The following RALGAPB variants were observed in gnomAD, a reference collection of about 807,000 sequenced individuals.
The protein encoded by RALGAPB is ral GTPase-activating protein subunit beta.
A neutral mutation model predicts 161.1 loss-of-function variants in RALGAPB; 25 were observed. The ratio of observed to expected loss-of-function variants is 0.16; its 90% CI spans 0.11 to 0.22. The LOEUF is 0.22. Among genes scored for constraint, RALGAPB ranks in the 10% least tolerant of loss-of-function variants. The probability of loss-of-function intolerance (pLI) is 1.00; values close to 1 mark genes in which losing one functional copy is unlikely to be tolerated. For synonymous variants in RALGAPB, 629 were observed against 626.1 expected, an observed-to-expected ratio of 1.00 and a Z score of -0.07; for missense variants, 1,391 against 1,815.2, an observed-to-expected ratio of 0.77 and a Z score of 4.25.
chr20:38,507,067 A>T (rs963509005), intron 5 of RALGAPB, among the ~76,000 whole-genome samples: 1 of 152,192 alleles, frequency 6.6e-6, no homozygotes, highest in Non-Finnish European at 1.5e-5. Context: ...CTTGATTATA[A>T]TCACAGTACA....
chr20:38,521,254 G>T (rs1248806385), intron 9 of RALGAPB, among the ~76,000 whole-genome samples: 1 of 152,172 alleles, frequency 6.6e-6, no homozygotes, highest in African/African-American at 2.4e-5. Context: ...AAATTCAGTT[G>T]AAAAATGCTT....
intron 12 of RALGAPB, among the ~76,000 whole-genome samples, 188 bp downstream of exon 12, chr20:38,525,706 A>G (rs964909096): frequency 2.0e-5 from 3 of 150,872 alleles, no homozygotes; most frequent in African/African-American, 4.9e-5. Context: ...CAGTTTTTCT[A>G]CCAGTTTTCA....
At chr20:38,563,328 A>T (rs2087858062) in intron 24 of RALGAPB, among the ~76,000 whole-genome samples, 1 of 152,210 alleles carries the variant, frequency 6.6e-6, no homozygotes, top group Non-Finnish European at 1.5e-5. Flanking sequence ...CTTCCTAACA[A>T]GCATGTTTTG....
intron 6 of RALGAPB, among the ~76,000 whole-genome samples, chr20:38,515,205 A>G (rs1390373595): frequency 6.6e-6 from 1 of 152,220 alleles, no homozygotes; most frequent in Non-Finnish European, 1.5e-5. Flanking sequence ...CTATGGAAAC[A>G]GTGTGCTACC....
intron 13 of RALGAPB, among the ~76,000 whole-genome samples, chr20:38,529,407 A>C (rs906955818): frequency 7.9e-5 from 12 of 152,060 alleles, no homozygotes; most frequent in African/African-American, 2.9e-4. Flanking sequence ...AGTCTCAGCT[A>C]CTTGGGAGGC....
chr20:38,481,484 A>C (rs150671419), intron 1 of RALGAPB, among the ~76,000 whole-genome samples: 2 of 152,364 alleles, frequency 1.3e-5, no homozygotes, highest in Admixed American at 6.5e-5. Context: ...GAACTTGTGC[A>C]GGCAAACTCC....
chr20:38,550,244 T>C (rs1208960309), intron 20 of RALGAPB, among the ~76,000 whole-genome samples: 1 of 152,152 alleles, frequency 6.6e-6, no homozygotes, highest in East Asian at 1.9e-4. Flanking sequence ...TGTATACATA[T>C]TTAACTAACC....
chr20:38,500,336 C>T (rs927426075), intron 5 of RALGAPB, among the ~76,000 whole-genome samples: 1 of 151,752 alleles, frequency 6.6e-6, no homozygotes, highest in African/African-American at 2.4e-5. Flanking sequence ...TCACTTTGTG[C>T]CTCTGTCATA....
chr20:38,540,013 A>C, intron 17 of RALGAPB, 55 bp downstream of exon 17: 1 of 1,495,608 alleles, frequency 6.7e-7, no homozygotes, highest in South Asian at 1.2e-5. Flanking sequence ...ATGCTAGCAA[A>C]ATGCCTTTTG....
rs1319663116 is a variant in RALGAPB at position 38,517,855 on chromosome 20, G to A, written c.1272G>A (p.Gln424=). 1 of 1,613,978 alleles carries A rather than the reference G, an allele frequency of 6.2e-7. No homozygotes were observed. Among genetic ancestry groups the A allele is most frequent in the Non-Finnish European group, 8.5e-7 (1 of 1,179,892 alleles). Reference sequence around the variant, plus strand: ...CCTCTCCTCTGTCAAGTCCAAATCAGACTAGTTCAGAACCCCGGCCACTGC... The same window carrying A: ...CCTCTCCTCTGTCAAGTCCAAATCAAACTAGTTCAGAACCCCGGCCACTGC... ...SSTSPLSSPN[Q]TSSEPRPLPA... Residue 424 remains glutamine, a synonymous_variant, in exon 9 of 30, where the codon CAG becomes CAA. Transcript: ENST00000262879.
chr20:38,528,492 T>C (rs1160954190), intron 13 of RALGAPB, among the ~76,000 whole-genome samples: 2 of 151,940 alleles, frequency 1.3e-5, no homozygotes, highest in Non-Finnish European at 2.9e-5. Context: ...TGCCGCAACC[T>C]CTGAAGTAGC....
At chr20:38,539,065 G>A (rs1433804949) in intron 16 of RALGAPB, among the ~76,000 whole-genome samples, 1 of 152,156 alleles carries the variant, frequency 6.6e-6, no homozygotes, top group African/African-American at 2.4e-5. Flanking sequence ...AGAAATGAAT[G>A]AACAATTGAT....
chr20:38,477,550 T>C (rs1267296487), intron 1 of RALGAPB, among the ~76,000 whole-genome samples: 1 of 152,208 alleles, frequency 6.6e-6, no homozygotes, highest in Non-Finnish European at 1.5e-5. Flanking sequence ...GTTTGCCTTA[T>C]GGGGTCAATG....
intron 5 of RALGAPB, among the ~76,000 whole-genome samples, chr20:38,505,181 G>A (rs1288824068): frequency 6.6e-6 from 1 of 152,212 alleles, no homozygotes; most frequent in Non-Finnish European, 1.5e-5. Flanking sequence ...CAGCCTAGAT[G>A]CCCGTCGGTG....
At chr20:38,549,980 T>G (rs947264091) in intron 20 of RALGAPB, among the ~76,000 whole-genome samples, 2 of 152,222 alleles carry the variant, frequency 1.3e-5, no homozygotes, top group African/African-American at 4.8e-5. Context: ...AATGATGAGT[T>G]CATGTCCTTT....
chr20:38,562,709 A>G lies in RALGAPB; in HGVS notation c.3697+12A>G, dbSNP rs757614684. ...AGGATCTCAACAAGGTAAAACTCAC[A>G]GTGTTTCAAATGTCAGTTGTTTCTT... On this transcript the variant is annotated intron_variant, in intron 24 of 29. Transcript: ENST00000262879. 7 of 1,577,682 alleles carry G rather than the reference A, an allele frequency of 4.4e-6. No homozygotes were observed. The highest frequency in any genetic ancestry group is 6.0e-6 in the Non-Finnish European group (7 of 1,165,886).
rs2086121595 is a variant in RALGAPB at position 38,516,335 on chromosome 20, T to C, written c.1016T>C (p.Met339Thr). Residue 339 changes from methionine to threonine, a missense_variant, in exon 7 of 30, where the codon ATG becomes ACG. Physicochemically the swap from Met to Thr is moderately conservative, Grantham distance 81 (BLOSUM62 -1). Coordinates refer to ENST00000262879, the MANE Select transcript of RALGAPB (RefSeq NM_020336.4). ...CTGCCTCAAATATTTTTTCGTGCCA[T>C]GCGTGGAATCAGCTGTCTGGTGGAT... is the stretch of plus-strand genomic sequence containing the variant. ...KHLPQIFFRAMRGISCLVDAF... is the reference protein window; with the variant it reads ...KHLPQIFFRATRGISCLVDAF... The C allele has an allele frequency of 1.2e-6, 2 of 1,614,084 alleles. No individual in the cohort carries two copies. Among genetic ancestry groups the C allele is most frequent in the African/African-American group, 1.3e-5 (1 of 75,068 alleles).
At chr20:38,496,583 G>A (rs1363214467) in intron 3 of RALGAPB, among the ~76,000 whole-genome samples, 1 of 152,054 alleles carries the variant, frequency 6.6e-6, no homozygotes, top group Non-Finnish European at 1.5e-5. Context: ...GTAAGGGCTG[G>A]GACCTGGACC....
At position 38,493,016 on chromosome 20, in the gene RALGAPB, A is replaced by G. The variant is rs139048969; in HGVS notation, c.273A>G (p.Thr91=). 150 of 1,611,466 alleles carry G rather than the reference A, an allele frequency of 9.3e-5. No individual in the cohort carries two copies. The African/African-American group carries it at 1.7e-3, about 19-fold the overall frequency. Residue 91 remains threonine (T), a synonymous_variant, in exon 3 of 30, where the codon ACA becomes ACG. Coordinates refer to ENST00000262879, the MANE Select transcript of RALGAPB (RefSeq NM_020336.4). ...TAAAATATTGCGTTGATGTATATAC[A>G]GACTGGATTATGGCTTTAGTGTTGC... The part of the protein sequence containing the change: ...ETVKYCVDVY[T]DWIMALVLPK...
Sources: allele counts gnomAD v4.1 joint callset (sites outside exome capture counted in the v4.1 genomes callset), GRCh38; gene constraint gnomAD v4.1.1; transcripts MANE v1.5; gene names NCBI Gene and HGNC (gene_info 2026-07-23, HGNC 2026-07-21).